The following RASGRF1 variants were observed in gnomAD, a reference collection of about 807,000 sequenced individuals.
The protein encoded by RASGRF1 is Ras protein specific guanine nucleotide releasing factor 1, also known as ras-specific guanine nucleotide-releasing factor 1.
In RASGRF1, 40 loss-of-function variants were observed where a neutral mutation model predicts 138.7. The ratio of observed to expected loss-of-function variants is 0.29; its 90% CI spans 0.22 to 0.38. RASGRF1 has a LOEUF of 0.38. Among genes scored for constraint, RASGRF1 ranks in the 10% least tolerant of loss-of-function variants. RASGRF1 has a pLI of 1.00. For missense variants in RASGRF1, 1,108 were observed against 1,650.4 expected, an observed-to-expected ratio of 0.67 and a Z score of 5.69; for synonymous variants, 614 against 663.2, an observed-to-expected ratio of 0.93 and a Z score of 1.14.
intron 22 of RASGRF1, among the ~76,000 whole-genome samples, chr15:78,988,384 T>C (rs2056203917): frequency 6.6e-6 from 1 of 152,210 alleles, no homozygotes; most frequent in African/African-American, 2.4e-5. Flanking sequence ...TAAGGTGTGG[T>C]TGGATCAGGC....
At chr15:78,998,466 T>C (rs757033995) in intron 18 of RASGRF1, among the ~76,000 whole-genome samples, 37 of 152,238 alleles carry the variant, frequency 2.4e-4, no homozygotes, top group Non-Finnish European at 3.2e-4. Context: ...GGCACAAACC[T>C]ACCTGTACCC....
rs540221118 is a variant in RASGRF1, at chr15:79,051,650, A to G, written c.532-2062T>C. On this transcript the variant is annotated intron_variant, in intron 3 of 26. Coordinates refer to ENST00000558480, the MANE Select transcript of RASGRF1 (RefSeq NM_001145648.3). Reference sequence around the variant, plus strand: ...CTTGGGGAAGTGGTCTGTGTTTAAAACTGATGGTGCTCTTCTCAGAGAGAG... The same window carrying G: ...CTTGGGGAAGTGGTCTGTGTTTAAAGCTGATGGTGCTCTTCTCAGAGAGAG... Among the ~76,000 whole-genome samples the G allele has an allele frequency of 1.3e-3, 191 of 152,238 alleles. 1 individual carries two copies. The highest frequency in any genetic ancestry group is 4.3e-3 in the African/African-American group (178 of 41,548).
chr15:79,090,313 G>C lies in RASGRF1; in HGVS notation c.186C>G (p.Pro62=). Reference sequence around the variant, plus strand: ...AGCCCTCCAGCAGGTAAAGCCCCGAGGGCCGCGAGCTCGAGTCGCTCTCGA... The same window carrying C: ...AGCCCTCCAGCAGGTAAAGCCCCGACGGCCGCGAGCTCGAGTCGCTCTCGA... ...FYFESDSSSR[P]SGLYLLEGCV... is the part of the protein sequence containing the mutation. Residue 62 remains proline (P), a synonymous_variant, in exon 1 of 27, where the codon CCC becomes CCG. Coordinates refer to ENST00000558480, the MANE Select transcript of RASGRF1 (RefSeq NM_001145648.3). 1 of 1,613,834 alleles carries C rather than the reference G, an allele frequency of 6.2e-7. No homozygotes were observed. Among genetic ancestry groups the C allele is most frequent in the Non-Finnish European group, 8.5e-7 (1 of 1,179,958 alleles).
Position 79,015,524 on chromosome 15 carries a change from G to A in RASGRF1, c.1744-115C>T, listed in dbSNP as rs2056866214. ...CCTCAGTCTGATACAGGGTCCTCAA[G>A]CTTCAAGGGCATTGTCCTGGCAAAG... is the stretch of plus-strand genomic sequence containing the variant. On this transcript the variant is annotated intron_variant, in intron 12 of 26. Coordinates refer to ENST00000558480, the MANE Select transcript of RASGRF1 (RefSeq NM_001145648.3). 4 of 910,168 alleles carry A rather than the reference G, an allele frequency of 4.4e-6. No homozygotes were observed. The Admixed American group carries it at 6.3e-5, about 14-fold the overall frequency. 56.4% of individuals were successfully genotyped at this position (910,168 alleles called of 1,614,324 possible). A position where few individuals can be genotyped will look rare whatever the true frequency, so the allele number is the denominator to read the frequency against.
At chr15:79,067,007 C>T (rs146487087) in intron 1 of RASGRF1, among the ~76,000 whole-genome samples, 5 of 152,154 alleles carry the variant, frequency 3.3e-5, no homozygotes, top group African/African-American at 9.7e-5. Flanking sequence ...TTAGGCCCCA[C>T]GACCTTTCTC....
intron 21 of RASGRF1, 100 bp downstream of exon 21, chr15:78,991,591 T>C: frequency 5.5e-6 from 5 of 911,112 alleles, no homozygotes; most frequent in Non-Finnish European, 8.9e-6. Flanking sequence ...CTGTGGAGGG[T>C]CCGTGCAGCT....
intron 22 of RASGRF1, among the ~76,000 whole-genome samples, chr15:78,987,990 A>G (rs780782531): frequency 5.2e-5 from 8 of 152,384 alleles, no homozygotes; most frequent in Non-Finnish European, 1.0e-4. Context: ...AACAGCAAAT[A>G]GAACTGTGCC....
chr15:79,039,147 A>C (rs925504346), intron 5 of RASGRF1, among the ~76,000 whole-genome samples: 3 of 151,754 alleles, frequency 2.0e-5, no homozygotes, highest in Non-Finnish European at 4.4e-5. Flanking sequence ...AAAAAATAAA[A>C]AAAATTAGCC....
Position 78,977,712 on chromosome 15 carries a change from C to T in RASGRF1, c.3494+2908G>A, listed in dbSNP as rs148485490. Among the ~76,000 whole-genome samples the T allele has an allele frequency of 1.8e-3, 267 of 152,346 alleles. 3 individuals are homozygous for T. The highest frequency in any genetic ancestry group is 6.2e-3 in the African/African-American group (259 of 41,576). ...CAGGGGAACAAAGGGGAAAGGCTTT[C>T]ACTGCAGCAGCCTACAATAACAGCC... On this transcript the variant is annotated intron_variant, in intron 24 of 26. Transcript: ENST00000558480.
At chr15:79,013,606 A>G (rs945095690) in intron 13 of RASGRF1, among the ~76,000 whole-genome samples, 8 of 152,276 alleles carry the variant, frequency 5.3e-5, no homozygotes, top group Non-Finnish European at 1.2e-4. Flanking sequence ...CAACAGCAAC[A>G]TGGCCCAGAT....
chr15:79,061,984 A>G (rs1356095433), intron 2 of RASGRF1, among the ~76,000 whole-genome samples: 1 of 152,148 alleles, frequency 6.6e-6, no homozygotes, highest in Non-Finnish European at 1.5e-5. Flanking sequence ...CTGCCTTGCA[A>G]TTTTCCAAAG....
chr15:79,017,637 A>T (rs1053169242), intron 12 of RASGRF1, 133 bp downstream of exon 12: 3 of 1,186,990 alleles, frequency 2.5e-6, no homozygotes, highest in Non-Finnish European at 3.4e-6. Flanking sequence ...GACTTGGAAG[A>T]TTCTTGCATC....
At chr15:79,060,740 T>C (rs917713970) in intron 2 of RASGRF1, among the ~76,000 whole-genome samples, 3 of 152,222 alleles carry the variant, frequency 2.0e-5, no homozygotes, top group South Asian at 2.1e-4. Context: ...CTTGGCAACA[T>C]TGATGTCAAT....
intron 2 of RASGRF1, among the ~76,000 whole-genome samples, chr15:79,062,448 G>A (rs2057620034): frequency 6.6e-6 from 1 of 152,204 alleles, no homozygotes; most frequent in Non-Finnish European, 1.5e-5. Flanking sequence ...ACAGGGGAAA[G>A]GTCAAACACC....
In RASGRF1 at chr15:78,999,140, C is replaced by T. The variant is rs574052533; in HGVS notation, c.2747-315G>A. 2.6e-5 allele frequency among the ~76,000 whole-genome samples: 4 copies of T among 152,278 alleles called. No individual in the cohort carries two copies. The South Asian group carries it at 6.2e-4, about 24-fold the overall frequency. On this transcript the variant is annotated intron_variant, in intron 17 of 26. Coordinates refer to ENST00000558480, the MANE Select transcript of RASGRF1 (RefSeq NM_001145648.3). ...CCAGGGAACAGAGCTCAAAGGGGCC[C>T]CTATTCCAGTCTCTGCTGCAGGATC...
intron 13 of RASGRF1, among the ~76,000 whole-genome samples, chr15:79,014,522 A>C (rs533416038): frequency 1.3e-5 from 2 of 152,338 alleles, no homozygotes; most frequent in Admixed American, 6.5e-5. Context: ...TCTCATTCAT[A>C]AGTGGGACCT....
intron 2 of RASGRF1, 69 bp downstream of exon 2, chr15:79,064,351 C>A: frequency 6.9e-7 from 1 of 1,453,126 alleles, no homozygotes; most frequent in South Asian, 1.2e-5. Flanking sequence ...TGTTCAAAGG[C>A]CCTTGGGTCT....
At chr15:79,061,075 A>G (rs2057597712) in intron 2 of RASGRF1, among the ~76,000 whole-genome samples, 1 of 152,172 alleles carries the variant, frequency 6.6e-6, no homozygotes, top group South Asian at 2.1e-4. Context: ...GGAGGAGGCC[A>G]TGTGGCAAGG....
chr15:79,046,729 C>G lies in RASGRF1; in HGVS notation c.878+17G>C. 6.2e-7 allele frequency: 1 copy of G among 1,613,464 alleles called. No individual in the cohort carries two copies. Among genetic ancestry groups the G allele is most frequent in the Non-Finnish European group, 8.5e-7 (1 of 1,179,400 alleles). On this transcript the variant is annotated intron_variant, in intron 5 of 26. Transcript: ENST00000558480. The surrounding 1 kb of genome is among the most constrained non-coding windows in gnomAD (Gnocchi z 5.3). ...CTAGTCTCCTTCCTGCCTTGGCCAA[C>G]CTTTAGGGGTGCTCACCTGTTCAGG...
Sources: gnomAD v4.1 joint callset for allele counts (sites outside exome capture counted in the v4.1 genomes callset) on GRCh38, gnomAD v4.1.1 for gene constraint, Gnocchi (gnomAD v3.1) non-coding constraint, MANE v1.5 for transcripts, NCBI Gene and HGNC (gene_info 2026-07-23, HGNC 2026-07-21) for gene names.